The following CBARP variants were observed in gnomAD, a reference collection of about 807,000 sequenced individuals.
The protein encoded by CBARP is CACN subunit beta associated regulatory protein.
CBARP carries 24 observed loss-of-function variants against 36.3 expected under a neutral mutation model. That is an observed-to-expected ratio of 0.66 (90% confidence interval 0.48 to 0.93). The LOEUF (loss-of-function observed/expected upper bound fraction) is 0.93, where lower values mean the gene tolerates loss of function less well. Among genes scored for constraint, CBARP ranks in the 40% least tolerant of loss-of-function variants. CBARP has a pLI of 0.00. For missense variants in CBARP, 1,146 were observed against 980.4 expected (o/e 1.17, Z -2.26); for synonymous variants, 586 against 453.2 (o/e 1.29, Z -3.72).
intron 5 of CBARP, 38 bp downstream of exon 5, chr19:1,234,959 TCAGA>T: frequency 2.5e-6 from 4 of 1,576,592 alleles, no homozygotes; most frequent in Non-Finnish European, 2.6e-6. Flanking sequence ...GGCCAGGACC[TCAGA>T]CAGGCCCTGG....
Position 1,229,719 on chromosome 19 carries a change from G to A in CBARP, c.1578C>T (p.Pro526=). ...GGCGGGGCCAGGCGCGCGGGCTGCG[G>A]GGCCGGGCGGGCGCGGCAGGTGGCT... The part of the protein sequence containing the change: ...DTEPPAAPAR[P]RSPRAWPRRP... Residue 526 remains proline, a synonymous_variant, in exon 10 of 10, where the codon CCC becomes CCT. Coordinates refer to ENST00000650044, the MANE Select transcript of CBARP (RefSeq NM_001393918.1). This position sits in a 1 kb window ranked among gnomAD's most constrained non-coding sequence, Gnocchi z 5.1. 1.0e-6 allele frequency: 1 copy of A among 983,610 alleles called. No homozygotes were observed. The highest frequency in any genetic ancestry group is 1.2e-6 in the Non-Finnish European group (1 of 829,676). The allele number at this position is 983,610 out of a possible 1,614,324, so 60.9% of individuals were successfully genotyped here.
intron 1 of CBARP, among the ~76,000 whole-genome samples, 169 bp from the exon 2 acceptor site, chr19:1,236,290 C>CG (rs756396279): frequency 2.0e-5 from 3 of 152,196 alleles, no homozygotes; most frequent in Non-Finnish European, 4.4e-5. Context: ...CTCTGCCCAG[C>CG]GGGCCCCGGG....
intron 5 of CBARP, 88 bp from the exon 6 acceptor site, chr19:1,234,830 G>T: frequency 6.5e-7 from 1 of 1,529,868 alleles, no homozygotes; most frequent in South Asian, 1.2e-5. Context: ...CTGCCGGCCT[G>T]GGCAGGGGCA....
intron 8 of CBARP, among the ~76,000 whole-genome samples, chr19:1,231,564 CCCCCCCACAGAACGCCTGTGCA>C (rs1321650031): frequency 1.2e-5 from 1 of 84,998 alleles, no homozygotes; most frequent in Non-Finnish European, 2.5e-5. Flanking sequence ...ACGCCTGTGC[CCCCCCCACAGAACGCCTGTGCA>C]CCCCCCATGC....
At position 1,231,162 on chromosome 19, in the gene CBARP, C is replaced by T. The variant is rs201160402; in HGVS notation, c.1093G>A (p.Asp365Asn). Residue 365 changes from aspartate (D) to asparagine (N), a missense_variant, in exon 9 of 10, where the codon GAC becomes AAC. Transcript: ENST00000650044. ...CGGGGGTGCGGGAAGGCCACGGCGT[C>T]GCCCGCCCGGGCAATGTACTGGATG... ...DFIQYIARAG[D>N]AVAFPHPRPF... The T allele has an allele frequency of 2.9e-5, 47 of 1,600,524 alleles. No individual in the cohort carries two copies. Among genetic ancestry groups the T allele is most frequent in the Admixed American group, 5.0e-5 (3 of 59,596 alleles).
rs1219988047 is a variant in CBARP, at chr19:1,235,087, C to T, written c.369G>A (p.Leu123=). The T allele has an allele frequency of 1.9e-6, 3 of 1,609,074 alleles. No homozygotes were observed. The highest frequency in any genetic ancestry group is 1.3e-5 in the African/African-American group (1 of 74,854). Residue 123 remains leucine, a synonymous_variant, in exon 5 of 10, where the codon CTG becomes CTA. Transcript: ENST00000650044. ...CCCGGCGGCCCGTGGAGCTGGTGGACAGGAAGCGTTCGGTCTCCGCATCCT... is the reference window on the plus strand; with the variant it reads ...CCCGGCGGCCCGTGGAGCTGGTGGATAGGAAGCGTTCGGTCTCCGCATCCT... ...ECQDAETERF[L]STSSTGRRVS... is the part of the protein sequence containing the mutation.
intron 8 of CBARP, among the ~76,000 whole-genome samples, chr19:1,232,337 C>G (rs1045471392): frequency 3.9e-5 from 6 of 152,126 alleles, no homozygotes; most frequent in Non-Finnish European, 8.8e-5. Context: ...CACCCCACCC[C>G]CGCTGGCTGG....
Position 1,233,537 on chromosome 19 carries a change from A to G in CBARP, c.868T>C (p.Phe290Leu). ...PGSGAGTVLQFLTRLRRHASL... is the reference protein window; with the variant it reads ...PGSGAGTVLQLLTRLRRHASL... ...GCATGGCGGCGCAGGCGGGTGAGGA[A>G]CTGCAGAACGGTACCTGCCCCGGAT... Residue 290 changes from phenylalanine to leucine, a missense_variant, in exon 8 of 10, where the codon TTC (phenylalanine) becomes CTC (leucine). Coordinates refer to ENST00000650044, the MANE Select transcript of CBARP (RefSeq NM_001393918.1). 6.2e-7 allele frequency: 1 copy of G among 1,603,566 alleles called. No individual in the cohort carries two copies. The highest frequency in any genetic ancestry group is 8.5e-7 in the Non-Finnish European group (1 of 1,175,580).
At position 1,234,201 on chromosome 19, in the gene CBARP, TC is replaced by T; in HGVS notation, c.757del (p.Glu253LysfsTer134). 1 of 1,521,198 alleles carries T rather than the reference TC, an allele frequency of 6.6e-7. No homozygotes were observed. The highest frequency in any genetic ancestry group is 8.8e-7 in the Non-Finnish European group (1 of 1,138,960). The allele number at this position is 1,521,198 out of a possible 1,614,324, so 94.2% of individuals were successfully genotyped here. The part of the protein sequence containing the change: ...ISPSASSDSG[E>X]GTSLDAGTRS... Reference sequence around the variant, plus strand: ...CGCAGGGGCCCTCACCGAGGTGCCTTCCCCAGAGTCGCTAGATGCCGAGGGG... The same window carrying T: ...CGCAGGGGCCCTCACCGAGGTGCCTTCCCAGAGTCGCTAGATGCCGAGGGG... On this transcript the variant is annotated frameshift_variant, in exon 7 of 10. Coordinates refer to ENST00000650044, the MANE Select transcript of CBARP (RefSeq NM_001393918.1). LOFTEE classifies it high-confidence loss of function.
At chr19:1,230,499 G>A in intron 9 of CBARP, 1 of 1,012,954 alleles carries the variant, frequency 9.9e-7, no homozygotes, top group Non-Finnish European at 1.2e-6. Flanking sequence ...ACGCGGTTGA[G>A]TCCAGCTCAG....
chr19:1,235,666 C>T (rs2080959369), intron 3 of CBARP, 101 bp from the exon 4 acceptor site: 3 of 1,590,114 alleles, frequency 1.9e-6, no homozygotes, highest in Admixed American at 1.8e-5. Flanking sequence ...ATCACCCAGT[C>T]TCCAGAGGCA....
chr19:1,230,955 C>G, intron 9 of CBARP, 146 bp downstream of exon 9: 7 of 1,575,128 alleles, frequency 4.4e-6, no homozygotes, highest in South Asian at 1.2e-5. Context: ...CCAGTGAGTC[C>G]GCCTCTGGGA....
chr19:1,230,885 C>T (rs2080880810), intron 9 of CBARP: 1 of 1,541,472 alleles, frequency 6.5e-7, no homozygotes, highest in African/African-American at 1.4e-5. Context: ...CCACCCACCG[C>T]CCTACCCTTA....
At chr19:1,235,254 G>A in intron 4 of CBARP, 109 bp from the exon 5 acceptor site, 1 of 1,244,770 alleles carries the variant, frequency 8.0e-7, no homozygotes, top group Non-Finnish European at 1.0e-6. Flanking sequence ...TGGGGCCGCG[G>A]CACGGGCGGC....
chr19:1,238,196 T>G (rs1599955711), upstream of CBARP: 2 of 149,432 alleles, frequency 1.3e-5, no homozygotes, highest in Non-Finnish European at 1.5e-5. Context: ...CAGCTGGGGG[T>G]GTCCTGGAAT....
intron 6 of CBARP, 57 bp downstream of exon 6, chr19:1,234,514 G>GT: frequency 6.6e-7 from 1 of 1,522,654 alleles, no homozygotes; most frequent in South Asian, 1.2e-5. Flanking sequence ...GGGTCCGGGA[G>GT]TCCCCGGGGC....
In CBARP at chr19:1,233,413, T is replaced by C; in HGVS notation, c.979+13A>G. 1 of 1,571,980 alleles carries C rather than the reference T, an allele frequency of 6.4e-7. No individual in the cohort carries two copies. The highest frequency in any genetic ancestry group is 8.6e-7 in the Non-Finnish European group (1 of 1,158,072). On this transcript the variant is annotated intron_variant, in intron 8 of 9. Coordinates refer to ENST00000650044, the MANE Select transcript of CBARP (RefSeq NM_001393918.1). ...CCACAGGGGCCCACTCTCCACCAGG[T>C]GCTACAGCTCACCTCTCGTGTCCAG...
chr19:1,229,987 A>G lies in CBARP; in HGVS notation c.1310T>C (p.Leu437Pro). Residue 437 changes from leucine to proline, a missense_variant, in exon 10 of 10, where the codon CTG becomes CCG. Coordinates refer to ENST00000650044, the MANE Select transcript of CBARP (RefSeq NM_001393918.1). The surrounding 1 kb of genome is among the most constrained non-coding windows in gnomAD (Gnocchi z 5.1). ...CTCAAGCGAGGCGCGCAGGCTCCAC[A>G]GGTCGCGGTAGCTGGTCTGGGCCTG... ...PEQAQTSYRD[L>P]WSLRASLELH... is the part of the protein sequence containing the mutation. 2 of 1,227,066 alleles carry G rather than the reference A, an allele frequency of 1.6e-6. No individual in the cohort carries two copies. Among genetic ancestry groups the G allele is most frequent in the Non-Finnish European group, 2.1e-6 (2 of 962,126 alleles). 76.0% of individuals were successfully genotyped at this position (1,227,066 alleles called of 1,614,324 possible).
chr19:1,234,963 A>G (rs1272613000), intron 5 of CBARP, 38 bp downstream of exon 5: 2 of 1,578,342 alleles, frequency 1.3e-6, no homozygotes, highest in South Asian at 1.1e-5. Flanking sequence ...AGGACCTCAG[A>G]CAGGCCCTGG....
Sources: allele counts gnomAD v4.1 joint callset (sites outside exome capture counted in the v4.1 genomes callset), GRCh38; gene constraint gnomAD v4.1.1; non-coding constraint Gnocchi (gnomAD v3.1); transcripts MANE v1.5; gene names NCBI Gene and HGNC (gene_info 2026-07-23, HGNC 2026-07-21).